SPATA16: variants seen among roughly 807,000 people sequenced by gnomAD.
SPATA16 encodes spermatogenesis associated 16, also known as spermatogenesis-associated protein 16.
A neutral mutation model predicts 63.3 loss-of-function variants in SPATA16; 36 were observed. That is an observed-to-expected ratio of 0.57 (90% CI 0.44 to 0.75). The LOEUF is 0.75. Ranked by LOEUF, SPATA16 falls within the 30% of genes least tolerant of loss-of-function variation. The probability of loss-of-function intolerance (pLI) is 0.00; values close to 1 mark genes in which losing one functional copy is unlikely to be tolerated. For synonymous variants in SPATA16, 203 were observed against 216.7 expected, an observed-to-expected ratio of 0.94 and a Z score of 0.56; for missense variants, 646 against 679.3, an observed-to-expected ratio of 0.95 and a Z score of 0.54.
chr3:173,051,036 G>A (rs1035198635), intron 2 of SPATA16, among the ~76,000 whole-genome samples: 5 of 152,132 alleles, frequency 3.3e-5, no homozygotes, highest in African/African-American at 1.2e-4. Context: ...CTGCCAATCT[G>A]ATCCCACAGG....
chr3:172,903,160 T>C lies in SPATA16; in HGVS notation c.1587+10501A>G, dbSNP rs931404824. Among the ~76,000 whole-genome samples, 3 of 152,168 alleles carry C rather than the reference T, an allele frequency of 2.0e-5. No homozygotes were observed. In the East Asian group the frequency reaches 5.8e-4, roughly 29 times the overall value. On this transcript the variant is annotated intron_variant, in intron 10 of 10. Transcript: ENST00000351008. ...AATGTATAAAAGACAGGCAATAAAA[T>C]GCTGGACTGCCAAGCAAAGAAGACA...
intron 5 of SPATA16, among the ~76,000 whole-genome samples, chr3:172,958,120 TG>T (rs1733644697): frequency 1.3e-5 from 2 of 152,148 alleles, no homozygotes; most frequent in Admixed American, 6.5e-5. Context: ...AGGAACTGAA[TG>T]GGGAACAGAA....
At chr3:173,003,089 A>G (rs770544061) in intron 4 of SPATA16, among the ~76,000 whole-genome samples, 2 of 152,204 alleles carry the variant, frequency 1.3e-5, no homozygotes, top group Non-Finnish European at 2.9e-5. Flanking sequence ...ATTTTCATCA[A>G]AAGACACCAT....
Position 172,984,906 on chromosome 3 carries a change from A to G in SPATA16, c.849-7854T>C, listed in dbSNP as rs905593900. ...TCATGTACATAGCAAGTGCTTTTAC[A>G]TCTCATTTAATTCCTAAAATCAAGC... On this transcript the variant is annotated intron_variant, in intron 4 of 10. Coordinates refer to ENST00000351008, the MANE Select transcript of SPATA16 (RefSeq NM_031955.6). 6.6e-5 allele frequency among the ~76,000 whole-genome samples: 10 copies of G among 152,220 alleles called. No homozygotes were observed. In the South Asian group the frequency reaches 1.5e-3, roughly 22 times the overall value.
intron 1 of SPATA16, among the ~76,000 whole-genome samples, chr3:173,134,400 G>T (rs1279673858): frequency 6.6e-6 from 1 of 151,768 alleles, no homozygotes; most frequent in Non-Finnish European, 1.5e-5. Flanking sequence ...GAGGCAGGAG[G>T]ATCACTTGAA....
chr3:173,137,643 A>G (rs1738582373), intron 1 of SPATA16, among the ~76,000 whole-genome samples: 1 of 152,272 alleles, frequency 6.6e-6, no homozygotes, highest in South Asian at 2.1e-4. Flanking sequence ...ATTTAACATG[A>G]TGCTTCTTCA....
At chr3:172,937,323 A>G (rs1375225831) in intron 6 of SPATA16, among the ~76,000 whole-genome samples, 1 of 152,216 alleles carries the variant, frequency 6.6e-6, no homozygotes, top group African/African-American at 2.4e-5. Context: ...TGCTTCAGTT[A>G]GTTATTAAAT....
chr3:173,048,401 G>C (rs1303912574), intron 3 of SPATA16, among the ~76,000 whole-genome samples: 1 of 151,910 alleles, frequency 6.6e-6, no homozygotes, highest in East Asian at 1.9e-4. Flanking sequence ...GGGATTCTAG[G>C]AAGTCATATA....
chr3:172,996,588 C>T (rs1469020320), intron 4 of SPATA16, among the ~76,000 whole-genome samples: 2 of 152,108 alleles, frequency 1.3e-5, no homozygotes, highest in East Asian at 1.9e-4. Flanking sequence ...CCACAACCTC[C>T]CCGACTGTCA....
chr3:173,081,009 C>T (rs1010774443), intron 2 of SPATA16, among the ~76,000 whole-genome samples: 19 of 152,106 alleles, frequency 1.2e-4, no homozygotes, highest in African/African-American at 4.3e-4. Context: ...GAAAGAGAAT[C>T]GGAAGGCAAC....
At chr3:173,015,056 T>C (rs997774535) in intron 4 of SPATA16, among the ~76,000 whole-genome samples, 2 of 141,336 alleles carry the variant, frequency 1.4e-5, no homozygotes, top group Admixed American at 1.4e-4. Context: ...TTCTTTTTTC[T>C]TTTTTCTCTT....
chr3:173,009,815 A>G (rs1735022945), intron 4 of SPATA16, among the ~76,000 whole-genome samples: 1 of 152,258 alleles, frequency 6.6e-6, no homozygotes, highest in Admixed American at 6.5e-5. Flanking sequence ...GCAGAGATTT[A>G]TTGTAAACGA....
At chr3:173,048,575 C>T (rs1283198263) in intron 3 of SPATA16, among the ~76,000 whole-genome samples, 2 of 152,116 alleles carry the variant, frequency 1.3e-5, no homozygotes, top group Admixed American at 6.6e-5. Flanking sequence ...AGTCTTGGCT[C>T]ATACTTCACA....
chr3:173,133,921 C>G (rs1738454912), intron 1 of SPATA16, among the ~76,000 whole-genome samples: 1 of 152,018 alleles, frequency 6.6e-6, no homozygotes, highest in African/African-American at 2.4e-5. Context: ...TCAAGTGTAC[C>G]TGCAACTTTT....
rs530487141 is a variant in SPATA16 at position 172,969,158 on chromosome 3, A to G, written c.933+7810T>C. Among the ~76,000 whole-genome samples the G allele has an allele frequency of 5.9e-5, 9 of 152,332 alleles. No individual in the cohort carries two copies. The South Asian group carries it at 1.9e-3, about 32-fold the overall frequency. On this transcript the variant is annotated intron_variant, in intron 5 of 10. Transcript: ENST00000351008. ...CTTAAGCAGCCAAGAGGTTTGCTTC[A>G]GGGATGTGAAGTACACAGGAAAATC... is the stretch of plus-strand genomic sequence containing the variant.
chr3:173,061,513 C>T (rs921099738), intron 2 of SPATA16, among the ~76,000 whole-genome samples: 1 of 152,196 alleles, frequency 6.6e-6, no homozygotes, highest in African/African-American at 2.4e-5. Context: ...GAATTATGCA[C>T]AACAATTAGC....
chr3:173,097,558 T>C (rs1447188722), intron 2 of SPATA16, among the ~76,000 whole-genome samples: 6 of 152,094 alleles, frequency 3.9e-5, no homozygotes, highest in Admixed American at 3.9e-4. Context: ...GGCATTACAT[T>C]TGTGGGTGGA....
chr3:173,026,801 A>G (rs978902093), intron 3 of SPATA16, among the ~76,000 whole-genome samples: 3 of 151,952 alleles, frequency 2.0e-5, no homozygotes, highest in Non-Finnish European at 4.4e-5. Flanking sequence ...TTATGCCATT[A>G]TAACAGTTTT....
chr3:173,038,898 T>G (rs1457296486), intron 3 of SPATA16, among the ~76,000 whole-genome samples: 1 of 152,166 alleles, frequency 6.6e-6, no homozygotes, highest in Non-Finnish European at 1.5e-5. Context: ...AGGAAGATAT[T>G]GTCATGATCT....
Sources: gnomAD v4.1 joint callset for allele counts (sites outside exome capture counted in the v4.1 genomes callset) on GRCh38, gnomAD v4.1.1 for gene constraint, MANE v1.5 for transcripts, NCBI Gene and HGNC (gene_info 2026-07-23, HGNC 2026-07-21) for gene names.